Variants in RARB observed in about 807,000 individuals in gnomAD.
The protein encoded by RARB is HBV-activated protein.
A neutral mutation model predicts 51.9 loss-of-function variants in RARB; 17 were observed. That is an observed-to-expected ratio of 0.33 (90% CI 0.22 to 0.49). RARB has a LOEUF of 0.49. Among genes scored for constraint, RARB ranks in the 20% least tolerant of loss-of-function variants. The probability of loss-of-function intolerance (pLI) is 0.99; values close to 1 mark genes in which losing one functional copy is unlikely to be tolerated. For missense variants in RARB, 369 were observed against 550.8 expected, an observed-to-expected ratio of 0.67 and a Z score of 3.30; for synonymous variants, 215 against 195.4, an observed-to-expected ratio of 1.10 and a Z score of -0.84.
intron 2 of RARB, among the ~76,000 whole-genome samples, chr3:25,463,531 C>T (rs577465853): frequency 3.9e-5 from 6 of 152,044 alleles, no homozygotes; most frequent in Admixed American, 1.3e-4. Context: ...GGTGTGGTGG[C>T]GCTTGCCTGT....
At chr3:25,012,671 T>A (rs1042174200) in intron 2 of RARB, among the ~76,000 whole-genome samples, 2 of 152,192 alleles carry the variant, frequency 1.3e-5, no homozygotes, top group African/African-American at 4.8e-5. Context: ...TGAGGTGATT[T>A]ACATTTTATT....
intron 5 of RARB, among the ~76,000 whole-genome samples, chr3:25,175,720 T>G (rs910251792): frequency 2.6e-5 from 4 of 152,208 alleles, no homozygotes; most frequent in Non-Finnish European, 4.4e-5. Flanking sequence ...TACTATATCA[T>G]TCCTGATAAA....
chr3:25,126,661 A>G (rs980262318), intron 3 of RARB, among the ~76,000 whole-genome samples: 2 of 152,168 alleles, frequency 1.3e-5, no homozygotes, highest in African/African-American at 2.4e-5. Context: ...GGCCCCAGAC[A>G]ATGCTTTAAG....
chr3:25,026,120 C>T (rs917505538), intron 2 of RARB, among the ~76,000 whole-genome samples: 2 of 152,014 alleles, frequency 1.3e-5, no homozygotes, highest in Admixed American at 6.6e-5. Context: ...TGATAAAAGC[C>T]GTGGGCCTTC....
intron 2 of RARB, among the ~76,000 whole-genome samples, chr3:25,039,515 A>G (rs1026419237): frequency 1.3e-5 from 2 of 152,196 alleles, no homozygotes; most frequent in African/African-American, 4.8e-5. Context: ...CACGGTAGTG[A>G]GGAGATAGGT....
At chr3:25,108,427 C>G (rs1436661769) in intron 3 of RARB, among the ~76,000 whole-genome samples, 1 of 152,126 alleles carries the variant, frequency 6.6e-6, no homozygotes, top group Non-Finnish European at 1.5e-5. Context: ...CTTGGGTTTC[C>G]TCTATCACCT....
chr3:25,230,269 A>C (rs1702146305), intron 5 of RARB, among the ~76,000 whole-genome samples: 1 of 152,114 alleles, frequency 6.6e-6, no homozygotes, highest in African/African-American at 2.4e-5. Flanking sequence ...TTCTCTGAAC[A>C]TGTCACACGC....
chr3:25,266,526 T>C (rs1301885591), intron 5 of RARB, among the ~76,000 whole-genome samples: 2 of 152,218 alleles, frequency 1.3e-5, no homozygotes, highest in African/African-American at 4.8e-5. Context: ...TACAGAAGTT[T>C]AAAATTTTTA....
At chr3:25,084,719 T>C (rs1699074249) in intron 3 of RARB, among the ~76,000 whole-genome samples, 1 of 151,918 alleles carries the variant, frequency 6.6e-6, no homozygotes, top group Admixed American at 6.5e-5. Flanking sequence ...ATTTTTCCTT[T>C]TTTATATTCC....
At chr3:25,170,782 A>G (rs1700630957) in intron 4 of RARB, among the ~76,000 whole-genome samples, 2 of 152,140 alleles carry the variant, frequency 1.3e-5, no homozygotes, top group Admixed American at 1.3e-4. Flanking sequence ...GAGAAAAATT[A>G]TATACATATG....
chr3:25,342,986 C>A (rs1459600276), intron 5 of RARB, among the ~76,000 whole-genome samples: 1 of 148,716 alleles, frequency 6.7e-6, no homozygotes, highest in African/African-American at 2.5e-5. Context: ...ATTCATAACA[C>A]AGTGTGGCTG....
chr3:25,470,506 G>C (rs1026778083), intron 2 of RARB, among the ~76,000 whole-genome samples: 5 of 152,210 alleles, frequency 3.3e-5, no homozygotes, highest in African/African-American at 1.2e-4. Flanking sequence ...GCATTTTCCA[G>C]ATGAGGAAGG....
intron 5 of RARB, among the ~76,000 whole-genome samples, chr3:25,211,239 A>C (rs181789680): frequency 1.4e-3 from 217 of 152,356 alleles, no homozygotes; most frequent in Non-Finnish European, 2.1e-3. Context: ...CAAAAACATA[A>C]AGTAGACAGA....
At chr3:25,292,462 T>C (rs1435941721) in intron 5 of RARB, among the ~76,000 whole-genome samples, 1 of 152,136 alleles carries the variant, frequency 6.6e-6, no homozygotes, top group Non-Finnish European at 1.5e-5. Flanking sequence ...TGCCCCGTCT[T>C]CCTTTGAGGT....
rs111929281 is a variant in RARB, at chr3:25,256,850, C to CACAA, written c.178+82278_178+82279insAACA. Among the ~76,000 whole-genome samples the CACAA allele has an allele frequency of 2.8e-3, 422 of 149,396 alleles. 2 individuals carry two copies. The highest frequency in any genetic ancestry group is 9.8e-3 in the African/African-American group (407 of 41,350). On this transcript the variant is annotated intron_variant, in intron 5 of 11. Transcript: ENST00000383772. Reference sequence around the variant, plus strand: ...CCAAGAATGTGAAGATAAGAGGTGGCACAGCATATTTTTTAGAGGTCGTGA... The same window carrying CACAA: ...CCAAGAATGTGAAGATAAGAGGTGGCACAAACAGCATATTTTTTAGAGGTCGTGA...
intron 2 of RARB, among the ~76,000 whole-genome samples, chr3:24,890,304 C>T (rs1191345299): frequency 6.6e-6 from 1 of 152,152 alleles, no homozygotes; most frequent in Non-Finnish European, 1.5e-5. Flanking sequence ...CTTGTAGAGT[C>T]CCTGGCCATG....
chr3:25,178,359 G>A (rs1700797197), intron 5 of RARB, among the ~76,000 whole-genome samples: 1 of 151,946 alleles, frequency 6.6e-6, no homozygotes, highest in Admixed American at 6.6e-5. Flanking sequence ...GCACATTTTG[G>A]ATTACTCACA....
At chr3:25,103,882 T>C (rs1435692176) in intron 3 of RARB, among the ~76,000 whole-genome samples, 1 of 152,224 alleles carries the variant, frequency 6.6e-6, no homozygotes, top group Non-Finnish European at 1.5e-5. Context: ...ATAAAATTCT[T>C]CTTGTGAGTT....
intron 2 of RARB, among the ~76,000 whole-genome samples, chr3:25,053,150 G>A (rs969117655): frequency 3.9e-5 from 6 of 152,108 alleles, no homozygotes; most frequent in East Asian, 1.9e-4. Context: ...CAATTGAAGC[G>A]ACGTAATTAA....
Sources: gnomAD v4.1 joint callset for allele counts (sites outside exome capture counted in the v4.1 genomes callset) on GRCh38, gnomAD v4.1.1 for gene constraint, MANE v1.5 for transcripts, NCBI Gene and HGNC (gene_info 2026-07-23, HGNC 2026-07-21) for gene names.